Variants in MYLIP observed in about 807,000 individuals in gnomAD.
MYLIP encodes E3 ubiquitin-protein ligase MYLIP.
A neutral mutation model predicts 45.8 loss-of-function variants in MYLIP; 26 were observed. The observed-to-expected ratio is 0.57, with a 90% CI of 0.42 to 0.79. The LOEUF is 0.79. Among genes scored for constraint, MYLIP ranks in the 30% least tolerant of loss-of-function variants. The probability of loss-of-function intolerance (pLI) is 0.00; values close to 1 mark genes in which losing one functional copy is unlikely to be tolerated. For synonymous variants in MYLIP, 213 were observed against 218.1 expected, an observed-to-expected ratio of 0.98 and a Z score of 0.21; for missense variants, 494 against 555.6, an observed-to-expected ratio of 0.89 and a Z score of 1.11.
chr6:16,135,413 C>G (rs748155583), intron 2 of MYLIP, among the ~76,000 whole-genome samples: 1 of 152,146 alleles, frequency 6.6e-6, no homozygotes, highest in Non-Finnish European at 1.5e-5. Flanking sequence ...AGCTGCTGCC[C>G]TCCACATCTT....
At chr6:16,138,455 G>A (rs1759600949) in intron 2 of MYLIP, among the ~76,000 whole-genome samples, 1 of 152,138 alleles carries the variant, frequency 6.6e-6, no homozygotes, top group Non-Finnish European at 1.5e-5. Flanking sequence ...GTTCTTGTTG[G>A]AAACATGTCT....
At chr6:16,150,878 A>C (rs1296419990), downstream of MYLIP, among the ~76,000 whole-genome samples, 3 of 152,184 alleles carry the variant, frequency 2.0e-5, no homozygotes, top group African/African-American at 7.2e-5. Flanking sequence ...TCACAGGATG[A>C]GCTCGAATGC....
chr6:16,130,405 A>G, intron 1 of MYLIP, 152 bp from the exon 2 acceptor site: 1 of 689,342 alleles, frequency 1.5e-6, no homozygotes. Flanking sequence ...GTATCATTGG[A>G]GCCGTGGAAC....
intron 2 of MYLIP, among the ~76,000 whole-genome samples, chr6:16,139,611 A>G (rs1017526679): frequency 6.6e-6 from 1 of 152,248 alleles, no homozygotes; most frequent in Non-Finnish European, 1.5e-5. Context: ...AAGCCTTTTG[A>G]GGCCTGCAAC....
the MYLIP span, among the ~76,000 whole-genome samples, chr6:16,160,766 C>T: frequency 6.6e-6 from 1 of 152,134 alleles, no homozygotes. Flanking sequence ...CATGCCACTG[C>T]ACTCCAGTCT....
chr6:16,136,614 C>A (rs1345555039), intron 2 of MYLIP, among the ~76,000 whole-genome samples: 1 of 152,138 alleles, frequency 6.6e-6, no homozygotes, highest in African/African-American at 2.4e-5. Context: ...ATAGCTGGGT[C>A]ATGGAGTAAG....
the MYLIP span, among the ~76,000 whole-genome samples, chr6:16,159,024 G>T: frequency 6.6e-6 from 1 of 152,144 alleles, no homozygotes; most frequent in Non-Finnish European, 1.5e-5. Flanking sequence ...AGGCTGCCAG[G>T]CATCCTCCAA....
chr6:16,160,663 A>C, the MYLIP span, among the ~76,000 whole-genome samples: 2 of 152,096 alleles, frequency 1.3e-5, no homozygotes, highest in Non-Finnish European at 2.9e-5. Flanking sequence ...TTAGTCAGGC[A>C]TGGTAGCGGG....
rs1018353481 is a variant in MYLIP, at chr6:16,129,121, A to T, written c.-202A>T. On this transcript the variant is annotated 5_prime_UTR_variant, in exon 1 of 7. Coordinates refer to ENST00000356840, the MANE Select transcript of MYLIP (RefSeq NM_013262.4). The surrounding 1 kb of genome is among the most constrained non-coding windows in gnomAD (Gnocchi z 5.1). The stretch of plus-strand genomic sequence containing the variant: ...CTGGAGTGCGGCGCCACCGCGGAGG[A>T]CAGGGGCAGCTGGCGGGCAGCGGGT... 1.2e-5 allele frequency: 7 copies of T among 576,242 alleles called. No homozygotes were observed. The highest frequency in any genetic ancestry group is 2.1e-5 in the Non-Finnish European group (7 of 327,400). 35.7% of individuals were successfully genotyped at this position (576,242 alleles called of 1,614,324 possible).
chr6:16,135,753 AT>A (rs1561786722), intron 2 of MYLIP, among the ~76,000 whole-genome samples: 26 of 103,724 alleles, frequency 2.5e-4, no homozygotes, highest in African/African-American at 1.1e-3. Context: ...GTATACATAT[AT>A]CTATATATAT....
Position 16,144,938 on chromosome 6 carries a change from G to GT in MYLIP, c.870dup (p.Asp291Ter). 6.2e-7 allele frequency: 1 copy of GT among 1,614,192 alleles called. No individual in the cohort carries two copies. Among genetic ancestry groups the GT allele is most frequent in the Non-Finnish European group, 8.5e-7 (1 of 1,180,026 alleles). ...AGCGCCGTGATGATGCAGTATAGCC[G>GT]TGACTTGAAGGGCCACTTGGCATCT... On this transcript the variant is annotated frameshift_variant, in exon 6 of 7. Transcript: ENST00000356840. LOFTEE classifies it high-confidence loss of function.
In MYLIP at chr6:16,145,242, CGAG is replaced by C. The variant is rs750155367; in HGVS notation, c.1180_1182del (p.Glu394del). ...AAGCCATGCTGTGCATGGTGTGCTG[CGAG>C]GAGGAGATCAACTCCACCTTCTGTC... On this transcript the variant is annotated inframe_deletion, in exon 6 of 7. Coordinates refer to ENST00000356840, the MANE Select transcript of MYLIP (RefSeq NM_013262.4). The C allele has an allele frequency of 1.2e-5, 20 of 1,613,392 alleles. No homozygotes were observed. The highest frequency in any genetic ancestry group is 7.7e-5 in the South Asian group (7 of 91,066).
downstream of MYLIP, among the ~76,000 whole-genome samples, chr6:16,151,341 A>T (rs1032670677): frequency 1.5e-4 from 22 of 150,876 alleles, no homozygotes; most frequent in African/African-American, 4.9e-4. Flanking sequence ...TGGGCGACAG[A>T]GTGAGACTCC....
intron 2 of MYLIP, among the ~76,000 whole-genome samples, chr6:16,134,001 C>T (rs1338003508): frequency 6.6e-6 from 1 of 152,168 alleles, no homozygotes; most frequent in Non-Finnish European, 1.5e-5. Flanking sequence ...TCTGTCCTAC[C>T]TTTCTGACCT....
intron 2 of MYLIP, among the ~76,000 whole-genome samples, chr6:16,132,938 T>G (rs1759486829): frequency 6.6e-6 from 1 of 152,214 alleles, no homozygotes; most frequent in Admixed American, 6.5e-5. Context: ...TGAGGGTGCA[T>G]GTAGTGTAGT....
chr6:16,161,939 T>C, the MYLIP span, among the ~76,000 whole-genome samples: 2 of 152,188 alleles, frequency 1.3e-5, no homozygotes, highest in Non-Finnish European at 2.9e-5. Context: ...TTGGTAAAAA[T>C]TGTCAGTTAC....
At chr6:16,161,222 C>G in the MYLIP span, 30 of 299,428 alleles carry the variant, frequency 1.0e-4, no homozygotes, top group Admixed American at 9.0e-4. Flanking sequence ...TGCTGTGTTC[C>G]GAATCATCCT....
At chr6:16,141,371 A>G (rs7738525) in intron 2 of MYLIP, among the ~76,000 whole-genome samples, 54,884 of 152,074 alleles carry the variant, frequency 0.36, 10,349 homozygotes, top group African/African-American at 0.46. Flanking sequence ...ATGTTTTGTA[A>G]CCTTAATGTT....
rs764063499 is a variant in MYLIP at position 16,141,689 on chromosome 6, C to T, written c.343C>T (p.Gln115Ter). Residue 115 changes from glutamine (Q) to a stop codon, truncating the protein, a stop_gained, in exon 3 of 7, where the codon CAG becomes TAG. Coordinates refer to ENST00000356840, the MANE Select transcript of MYLIP (RefSeq NM_013262.4). LOFTEE classifies it high-confidence loss of function. ...LAGHLLCSPE[Q>*]AVELSALLAQ... ...AGGCCACCTCTTGTGTTCCCCAGAG[C>T]AGGCAGTGGAACTCAGTGCCCTCCT... The T allele has an allele frequency of 1.9e-6, 3 of 1,614,118 alleles. No individual in the cohort carries two copies. Among genetic ancestry groups the T allele is most frequent in the Non-Finnish European group, 2.5e-6 (3 of 1,179,996 alleles).
Sources: gnomAD v4.1 joint callset for allele counts (sites outside exome capture counted in the v4.1 genomes callset) on GRCh38, gnomAD v4.1.1 for gene constraint, Gnocchi (gnomAD v3.1) non-coding constraint, MANE v1.5 for transcripts, NCBI Gene and HGNC (gene_info 2026-07-23, HGNC 2026-07-21) for gene names.